Variants in IMMP2L observed in about 807,000 individuals in gnomAD.
The protein encoded by IMMP2L is inner mitochondrial membrane peptidase subunit 2.
A neutral mutation model predicts 19.3 loss-of-function variants in IMMP2L; 18 were observed. The ratio of observed to expected loss-of-function variants is 0.93; its 90% CI spans 0.64 to 1.38. The LOEUF is 1.38. IMMP2L is among the 40% of genes most tolerant of loss of function. The probability of loss-of-function intolerance (pLI) is 0.00; values close to 1 mark genes in which losing one functional copy is unlikely to be tolerated. For missense variants in IMMP2L, 233 were observed against 218.2 expected (o/e 1.07, Z -0.43); for synonymous variants, 76 against 73.0 (o/e 1.04, Z -0.21).
intron 3 of IMMP2L, among the ~76,000 whole-genome samples, chr7:111,328,931 TTAA>T (rs1266950881): frequency 2.7e-5 from 4 of 150,616 alleles, no homozygotes; most frequent in African/African-American, 9.7e-5. Flanking sequence ...ACCCTAACCA[TTAA>T]TAACACAGAG....
intron 3 of IMMP2L, among the ~76,000 whole-genome samples, chr7:111,020,155 G>C (rs529260546): frequency 2.0e-5 from 3 of 148,930 alleles, no homozygotes; most frequent in South Asian, 2.1e-4. Context: ...AGGCTGAGGC[G>C]GGTGGATCAT....
intron 5 of IMMP2L, among the ~76,000 whole-genome samples, chr7:110,856,578 A>G (rs961284231): frequency 2.0e-5 from 3 of 152,076 alleles, no homozygotes; most frequent in African/African-American, 7.2e-5. Flanking sequence ...AAAAAATTAT[A>G]TAAGCATCTT....
At chr7:111,306,050 T>A (rs577344999) in intron 3 of IMMP2L, among the ~76,000 whole-genome samples, 1 of 152,342 alleles carries the variant, frequency 6.6e-6, no homozygotes, top group Non-Finnish European at 1.5e-5. Flanking sequence ...CACTTTGATA[T>A]CTTTGTTTAA....
chr7:111,035,158 T>C (rs1791210387), intron 3 of IMMP2L, among the ~76,000 whole-genome samples: 1 of 152,076 alleles, frequency 6.6e-6, no homozygotes, highest in African/African-American at 2.4e-5. Context: ...CTTACAAAAG[T>C]GGGTAGTTTT....
chr7:110,880,164 C>A (rs898131490), intron 5 of IMMP2L, among the ~76,000 whole-genome samples: 1 of 151,922 alleles, frequency 6.6e-6, no homozygotes, highest in Non-Finnish European at 1.5e-5. Context: ...CTTAATATAC[C>A]AAAAACTCAC....
intron 5 of IMMP2L, among the ~76,000 whole-genome samples, chr7:110,862,356 T>A (rs1331229978): frequency 6.6e-6 from 1 of 151,852 alleles, no homozygotes; most frequent in African/African-American, 2.4e-5. Context: ...TATTTTTTTT[T>A]AGAAACAGGG....
chr7:111,492,475 T>C lies in IMMP2L; in HGVS notation c.136-5134A>G, dbSNP rs76712642. On this transcript the variant is annotated intron_variant, in intron 2 of 5. Transcript: ENST00000405709. ...TCCCCACTTGGAAACTTCTAGTCATTTGTCAAAGTCCTTATCTGATGGGGA... is the reference window on the plus strand; with the variant it reads ...TCCCCACTTGGAAACTTCTAGTCATCTGTCAAAGTCCTTATCTGATGGGGA... 3,970 of 717,370 alleles carry C rather than the reference T, an allele frequency of 5.5e-3. 130 individuals carry two copies. In the African/African-American group the frequency reaches 0.072, roughly 13 times the overall value. The allele number at this position is 717,370 out of a possible 1,614,324, so 44.4% of individuals were successfully genotyped here.
chr7:111,112,954 C>T (rs1451601410), intron 3 of IMMP2L, among the ~76,000 whole-genome samples: 2 of 152,084 alleles, frequency 1.3e-5, no homozygotes, highest in South Asian at 2.1e-4. Context: ...TTTCTTTCAA[C>T]GTATGTTTTA....
chr7:110,841,116 C>T (rs1277317022), intron 5 of IMMP2L, among the ~76,000 whole-genome samples: 1 of 151,982 alleles, frequency 6.6e-6, no homozygotes, highest in Non-Finnish European at 1.5e-5. Flanking sequence ...TCAAGCCCTA[C>T]TGGTATATCA....
intron 5 of IMMP2L, among the ~76,000 whole-genome samples, chr7:110,746,798 C>T (rs1170335272): frequency 6.6e-6 from 1 of 152,074 alleles, no homozygotes; most frequent in African/African-American, 2.4e-5. Flanking sequence ...CAAGAGAAAG[C>T]AGGAAAGATC....
chr7:111,133,222 G>C (rs1316735776), intron 3 of IMMP2L, among the ~76,000 whole-genome samples: 2 of 151,978 alleles, frequency 1.3e-5, no homozygotes, highest in Non-Finnish European at 2.9e-5. Flanking sequence ...CTAAAACTGA[G>C]AGTGAAAAGG....
intron 3 of IMMP2L, among the ~76,000 whole-genome samples, chr7:111,228,085 C>A (rs979463375): frequency 6.6e-6 from 1 of 152,074 alleles, no homozygotes; most frequent in Non-Finnish European, 1.5e-5. Flanking sequence ...TTCAGATGGG[C>A]CAACCAAGAA....
At chr7:110,957,830 C>T (rs1365621293) in intron 4 of IMMP2L, among the ~76,000 whole-genome samples, 1 of 151,934 alleles carries the variant, frequency 6.6e-6, no homozygotes, top group African/African-American at 2.4e-5. Context: ...AGTGAACATC[C>T]TACAGCCCCA....
At chr7:110,958,879 G>A (rs1031559764) in intron 4 of IMMP2L, among the ~76,000 whole-genome samples, 3 of 152,032 alleles carry the variant, frequency 2.0e-5, no homozygotes, top group African/African-American at 7.2e-5. Context: ...CAAAAGCAAT[G>A]TGCAAAAGAG....
At chr7:111,179,679 G>C (rs150101423) in intron 3 of IMMP2L, among the ~76,000 whole-genome samples, 1 of 152,096 alleles carries the variant, frequency 6.6e-6, no homozygotes, top group Non-Finnish European at 1.5e-5. Context: ...TTGATGCTTT[G>C]AAGCCAGCAT....
intron 3 of IMMP2L, among the ~76,000 whole-genome samples, chr7:111,226,683 T>A (rs1231361749): frequency 6.6e-6 from 1 of 152,018 alleles, no homozygotes. Flanking sequence ...TAGCTAATTG[T>A]GAAGTGAAAT....
chr7:111,162,684 T>C (rs541969237), intron 3 of IMMP2L, among the ~76,000 whole-genome samples: 3 of 151,254 alleles, frequency 2.0e-5, no homozygotes, highest in African/African-American at 7.3e-5. Flanking sequence ...CATTGTTAGA[T>C]AAAATTTCCA....
intron 4 of IMMP2L, among the ~76,000 whole-genome samples, chr7:110,894,828 T>A (rs1654448328): frequency 6.6e-6 from 1 of 152,208 alleles, no homozygotes; most frequent in Non-Finnish European, 1.5e-5. Flanking sequence ...GTTTTATACT[T>A]TTAGGCTATT....
rs564607619 is a variant in IMMP2L at position 111,065,401 on chromosome 7, T to C, written c.240-101836A>G. ...GAAGATTAGGTATGATCTCAGGAGA[T>C]GTGTATGGGTTCAAGTTGACAAGGG... is the stretch of plus-strand genomic sequence containing the variant. On this transcript the variant is annotated intron_variant, in intron 3 of 5. Coordinates refer to ENST00000405709, the MANE Select transcript of IMMP2L (RefSeq NM_032549.4). 3.9e-5 allele frequency among the ~76,000 whole-genome samples: 6 copies of C among 152,256 alleles called. No individual in the cohort carries two copies. In the South Asian group the frequency reaches 8.3e-4, roughly 21 times the overall value.
Sources: allele counts gnomAD v4.1 joint callset (sites outside exome capture counted in the v4.1 genomes callset), GRCh38; gene constraint gnomAD v4.1.1; transcripts MANE v1.5; gene names NCBI Gene and HGNC (gene_info 2026-07-23, HGNC 2026-07-21).